GRB10: variants seen among roughly 807,000 people sequenced by gnomAD.
GRB10 encodes the protein growth factor receptor bound protein 10, also known as growth factor receptor-bound protein 10.
In GRB10, 20 loss-of-function variants were observed where a neutral mutation model predicts 80.9. That is an observed-to-expected ratio of 0.25 (90% CI 0.17 to 0.36). The LOEUF (loss-of-function observed/expected upper bound fraction) is 0.36, where lower values mean the gene tolerates loss of function less well. Among genes scored for constraint, GRB10 ranks in the 10% least tolerant of loss-of-function variants. The probability of loss-of-function intolerance (pLI) is 1.00; values close to 1 mark genes in which losing one functional copy is unlikely to be tolerated. For synonymous variants in GRB10, 291 were observed against 291.5 expected, an observed-to-expected ratio of 1.00 and a Z score of 0.02; for missense variants, 548 against 747.7, an observed-to-expected ratio of 0.73 and a Z score of 3.12.
intron 13 of GRB10, 107 bp from the exon 14 acceptor site, chr7:50,606,521 G>A (rs2048558996): frequency 2.5e-5 from 20 of 806,988 alleles, no homozygotes; most frequent in South Asian, 2.3e-4. Flanking sequence ...AACAGGGAGT[G>A]ATGCCCTGTA....
chr7:50,650,882 T>C (rs1220812720), intron 7 of GRB10, among the ~76,000 whole-genome samples: 1 of 152,118 alleles, frequency 6.6e-6, no homozygotes, highest in Non-Finnish European at 1.5e-5. Flanking sequence ...GAGAGGAGAC[T>C]TACCTTTTTC....
intron 3 of GRB10, among the ~76,000 whole-genome samples, chr7:50,748,265 G>A (rs1261714589): frequency 3.9e-5 from 6 of 152,204 alleles, no homozygotes; most frequent in Admixed American, 2.6e-4. Flanking sequence ...AGGAGGCCCC[G>A]TGGCCCATGA....
rs1282172566 is a variant in GRB10 at position 50,782,586 on chromosome 7, CCGGCCAG to C, written c.-496_-490del. On this transcript the variant is annotated 5_prime_UTR_variant, in exon 1 of 19. Transcript: ENST00000401949. The surrounding 1 kb of genome is among the most constrained non-coding windows in gnomAD (Gnocchi z 6.6). ...CGGGCTGGTCCTCCACGGCTCCGCC[CCGGCCAG>C]GGGCCTGCGGCGCAGAAAACCGACC... The C allele has an allele frequency of 6.6e-6, 1 of 151,152 alleles. No individual in the cohort carries two copies. Among genetic ancestry groups the C allele is most frequent in the Non-Finnish European group, 1.5e-5 (1 of 67,736 alleles). The allele number at this position is 151,152 out of a possible 1,614,324, so 9.4% of individuals were successfully genotyped here.
intron 4 of GRB10, among the ~76,000 whole-genome samples, chr7:50,712,625 T>A (rs1319015230): frequency 6.6e-6 from 1 of 152,190 alleles, no homozygotes; most frequent in East Asian, 1.9e-4. Context: ...AACACACAGA[T>A]CAGTGGCTTG....
intron 4 of GRB10, among the ~76,000 whole-genome samples, chr7:50,731,519 G>A (rs1294129265): frequency 6.6e-6 from 1 of 152,182 alleles, no homozygotes; most frequent in Non-Finnish European, 1.5e-5. Flanking sequence ...GAGAGATGGT[G>A]TAAGTACTTC....
chr7:50,604,880 C>A (rs999562002), intron 15 of GRB10: 3 of 296,352 alleles, frequency 1.0e-5, no homozygotes, highest in Non-Finnish European at 1.9e-5. Context: ...AGAACCTAAG[C>A]CTCAGGGGTG....
rs547085083 is a variant in GRB10, at chr7:50,622,672, A to G, written c.662-3387T>C. On this transcript the variant is annotated intron_variant, in intron 8 of 18. Coordinates refer to ENST00000401949, the MANE Select transcript of GRB10 (RefSeq NM_001350814.2). ...CCTGGGTGCAAGAGCCCCAGGCACC[A>G]GGTGCCCCCCACATTCCCAGGGATG... Among the ~76,000 whole-genome samples the G allele has an allele frequency of 1.6e-4, 24 of 152,356 alleles. 2 individuals carry two copies. In the South Asian group the frequency reaches 3.7e-3, roughly 24 times the overall value.
intron 4 of GRB10, among the ~76,000 whole-genome samples, chr7:50,705,701 A>G (rs1330069352): frequency 6.6e-6 from 1 of 152,230 alleles, no homozygotes; most frequent in African/African-American, 2.4e-5. Flanking sequence ...TCAGGCCAAC[A>G]ATCATCTCCA....
intron 3 of GRB10, among the ~76,000 whole-genome samples, chr7:50,742,265 GCGCGCGCACACACACA>G (rs1228419581): frequency 1.5e-4 from 21 of 138,812 alleles, no homozygotes; most frequent in African/African-American, 5.5e-4. Context: ...ACGCGCACGC[GCGCGCGCACACACACA>G]CACACACACA....
intron 6 of GRB10, among the ~76,000 whole-genome samples, chr7:50,673,849 T>C (rs932501430): frequency 6.6e-6 from 1 of 152,122 alleles, no homozygotes; most frequent in Non-Finnish European, 1.5e-5. Flanking sequence ...AACCTCTGCC[T>C]CCATCTATCT....
intron 6 of GRB10, among the ~76,000 whole-genome samples, chr7:50,671,283 CTG>C (rs2060326289): frequency 1.3e-5 from 2 of 152,220 alleles, no homozygotes; most frequent in Non-Finnish European, 2.9e-5. Context: ...CCATCATAGG[CTG>C]TGTCCTCAAG....
At chr7:50,596,054 TAAAG>T (rs2046597663) in intron 17 of GRB10, among the ~76,000 whole-genome samples, 2 of 152,096 alleles carry the variant, frequency 1.3e-5, no homozygotes, top group African/African-American at 4.8e-5. Context: ...AGCCAATAAA[TAAAG>T]GCAAGATGTA....
In GRB10 at chr7:50,731,520, TA is replaced by T. The variant is rs1442028423; in HGVS notation, c.51+751del. 2.0e-5 allele frequency among the ~76,000 whole-genome samples: 3 copies of T among 152,304 alleles called. No homozygotes were observed. The East Asian group carries it at 5.8e-4, about 29-fold the overall frequency. ...AGTCACAGGCCTGGGAGAGATGGTG[TA>T]AGTACTTCCAATGACAAATCACGAG... On this transcript the variant is annotated intron_variant, in intron 4 of 18. Coordinates refer to ENST00000401949, the MANE Select transcript of GRB10 (RefSeq NM_001350814.2).
rs542674119 is a variant in GRB10 at position 50,639,319 on chromosome 7, T to C, written c.505-12341A>G. Among the ~76,000 whole-genome samples, 16 of 152,370 alleles carry C rather than the reference T, an allele frequency of 1.1e-4. No individual in the cohort carries two copies. The South Asian group carries it at 2.9e-3, about 28-fold the overall frequency. ...GCAGTGAAAATTAAAAAGATGTTGT[T>C]TTTAAAAATCCTTTTTTCTAAAGGA... On this transcript the variant is annotated intron_variant, in intron 7 of 18. Coordinates refer to ENST00000401949, the MANE Select transcript of GRB10 (RefSeq NM_001350814.2).
chr7:50,671,988 G>A (rs1002745193), intron 6 of GRB10, among the ~76,000 whole-genome samples: 2 of 152,226 alleles, frequency 1.3e-5, no homozygotes, highest in Admixed American at 6.5e-5. Context: ...GCTGAGGGGC[G>A]AGGTCCTTCT....
Position 50,773,447 on chromosome 7 carries a change from G to T in GRB10, c.-217+7180C>A, listed in dbSNP as rs1244268720. ...GAAGGGAAGGGGAAGGGGAGAAAGG[G>T]GAAGGGAGGGGAGGGGAAGGCAGGG... On this transcript the variant is annotated intron_variant, in intron 2 of 18. Transcript: ENST00000401949. 1.4e-4 allele frequency among the ~76,000 whole-genome samples: 3 copies of T among 21,426 alleles called. No individual in the cohort carries two copies. The Admixed American group carries it at 1.4e-3, about 10-fold the overall frequency. The allele number at this position is 21,426 out of a possible 152,430, so 14.1% of individuals were successfully genotyped here. A position where few individuals can be genotyped will look rare whatever the true frequency, so the allele number is the denominator to read the frequency against.
intron 7 of GRB10, among the ~76,000 whole-genome samples, chr7:50,641,221 G>C (rs945927704): frequency 6.6e-6 from 1 of 150,662 alleles, no homozygotes; most frequent in Non-Finnish European, 1.5e-5. Context: ...ATGAACCCTA[G>C]GAAAGAGTTG....
At chr7:50,731,592 C>T (rs1232149006) in intron 4 of GRB10, among the ~76,000 whole-genome samples, 2 of 152,118 alleles carry the variant, frequency 1.3e-5, no homozygotes, top group African/African-American at 4.8e-5. Flanking sequence ...GAACCAAAGA[C>T]CATCCCCTAA....
At chr7:50,660,477 G>C (rs756331674) in intron 7 of GRB10, among the ~76,000 whole-genome samples, 2 of 152,208 alleles carry the variant, frequency 1.3e-5, no homozygotes, top group Non-Finnish European at 2.9e-5. Flanking sequence ...AGAGACATCA[G>C]CAGGGCCCCG....
Sources: allele counts gnomAD v4.1 joint callset (sites outside exome capture counted in the v4.1 genomes callset), GRCh38; gene constraint gnomAD v4.1.1; non-coding constraint Gnocchi (gnomAD v3.1); transcripts MANE v1.5; gene names NCBI Gene and HGNC (gene_info 2026-07-23, HGNC 2026-07-21).